AFG2A: variants seen among roughly 807,000 people sequenced by gnomAD.
AFG2A encodes the protein ATPase family gene 2 protein homolog A.
the AFG2A span, among the ~76,000 whole-genome samples, chr4:123,107,313 G>T: frequency 7.9e-5 from 12 of 152,214 alleles, no homozygotes; most frequent in African/African-American, 2.9e-4. Context: ...GAGGTATGTG[G>T]ACAACTGGAG....
the AFG2A span, among the ~76,000 whole-genome samples, chr4:123,135,189 C>T: frequency 6.6e-6 from 1 of 151,214 alleles, no homozygotes; most frequent in Non-Finnish European, 1.5e-5. Context: ...GCAGAAAAAG[C>T]CTTTAACAAC....
the AFG2A span, among the ~76,000 whole-genome samples, chr4:123,129,189 G>C: frequency 6.6e-6 from 1 of 152,158 alleles, no homozygotes; most frequent in Non-Finnish European, 1.5e-5. Flanking sequence ...ATTCAAACAA[G>C]TATTAACTAA....
chr4:123,018,703 G>T, the AFG2A span, among the ~76,000 whole-genome samples: 2 of 151,190 alleles, frequency 1.3e-5, no homozygotes, highest in East Asian at 3.9e-4. Context: ...GCATGCTCTT[G>T]GCTCACTGCA....
At chr4:123,285,317 C>G in the AFG2A span, among the ~76,000 whole-genome samples, 1 of 152,136 alleles carries the variant, frequency 6.6e-6, no homozygotes, top group Non-Finnish European at 1.5e-5. Context: ...GACCCATCTC[C>G]CTAGTATGGA....
the AFG2A span, among the ~76,000 whole-genome samples, chr4:123,078,444 T>C: frequency 6.6e-6 from 1 of 152,218 alleles, no homozygotes; most frequent in Admixed American, 6.5e-5. Context: ...TGCTTTTGAA[T>C]GTGCACATAT....
the AFG2A span, among the ~76,000 whole-genome samples, chr4:123,122,972 G>A: frequency 7.5e-3 from 1,140 of 151,814 alleles, 6 homozygotes; most frequent in Middle Eastern, 0.044. Flanking sequence ...TTGTATTTTT[G>A]CAGGGAAAGC....
the AFG2A span, among the ~76,000 whole-genome samples, chr4:123,026,456 T>C: frequency 6.6e-6 from 1 of 152,004 alleles, no homozygotes; most frequent in Non-Finnish European, 1.5e-5. Flanking sequence ...CTAAAAAAAA[T>C]TGCAAAAAAA....
chr4:123,174,431 CTT>C, the AFG2A span, among the ~76,000 whole-genome samples: 1,743 of 152,210 alleles, frequency 0.011, 20 homozygotes, highest in Non-Finnish European at 0.018. Context: ...TATAATAAGA[CTT>C]TTGGGGAGCC....
chr4:123,238,912 C>A, the AFG2A span, among the ~76,000 whole-genome samples: 3 of 152,082 alleles, frequency 2.0e-5, no homozygotes, highest in Non-Finnish European at 2.9e-5. Context: ...GTGTTCTAAC[C>A]CATTGCGAGG....
chr4:123,199,463 T>G, the AFG2A span, among the ~76,000 whole-genome samples: 18 of 69,244 alleles, frequency 2.6e-4, no homozygotes, highest in South Asian at 2.7e-3. Context: ...TACTCAGAGG[T>G]TTTTTTTTTT....
At chr4:123,056,628 A>G in the AFG2A span, among the ~76,000 whole-genome samples, 1 of 151,932 alleles carries the variant, frequency 6.6e-6, no homozygotes, top group Non-Finnish European at 1.5e-5. Flanking sequence ...GCAATACTTC[A>G]GTTTTGTTTT....
At chr4:123,295,367 A>C in the AFG2A span, among the ~76,000 whole-genome samples, 1 of 152,356 alleles carries the variant, frequency 6.6e-6, no homozygotes, top group East Asian at 1.9e-4. Context: ...CTGGAATTTG[A>C]ATTTTGTCCT....
the AFG2A span, among the ~76,000 whole-genome samples, chr4:122,936,630 AC>A: frequency 2.0e-5 from 3 of 152,186 alleles, no homozygotes; most frequent in South Asian, 2.1e-4. Context: ...GGATTGCTTG[AC>A]CCCAGGAGTT....
the AFG2A span, among the ~76,000 whole-genome samples, chr4:123,126,879 T>A: frequency 6.6e-6 from 1 of 152,178 alleles, no homozygotes; most frequent in African/African-American, 2.4e-5. Flanking sequence ...ATATTTTTGA[T>A]AGCCGTCAGA....
the AFG2A span, among the ~76,000 whole-genome samples, chr4:123,311,341 C>A: frequency 0.69 from 105,130 of 151,996 alleles, 38,457 homozygotes; most frequent in Non-Finnish European, 0.81. Context: ...AAATCTATAG[C>A]AGCAGGCTGG....
the AFG2A span, among the ~76,000 whole-genome samples, chr4:123,093,654 G>A: frequency 6.6e-6 from 1 of 152,170 alleles, no homozygotes; most frequent in Non-Finnish European, 1.5e-5. Flanking sequence ...TTAAAGGGCT[G>A]CAGATGGGCA....
At chr4:123,091,216 A>G in the AFG2A span, among the ~76,000 whole-genome samples, 5 of 152,182 alleles carry the variant, frequency 3.3e-5, no homozygotes, top group Admixed American at 6.5e-5. Context: ...TGCACATGCT[A>G]CAGTTATTCT....
At chr4:122,977,834 CG>C in the AFG2A span, among the ~76,000 whole-genome samples, 3 of 152,210 alleles carry the variant, frequency 2.0e-5, no homozygotes, top group African/African-American at 7.2e-5. Flanking sequence ...GCCATCAGGT[CG>C]TCCTGATGAG....
the AFG2A span, chr4:122,936,066 G>A: frequency 3.2e-6 from 5 of 1,543,854 alleles, no homozygotes; most frequent in African/African-American, 6.9e-5. Context: ...AAAACAATAA[G>A]AAATGGTCTT....
Sources: allele counts gnomAD v4.1 joint callset (sites outside exome capture counted in the v4.1 genomes callset), GRCh38; gene constraint gnomAD v4.1.1; transcripts MANE v1.5; gene names NCBI Gene and HGNC (gene_info 2026-07-23, HGNC 2026-07-21).